Variants in PCDH11X observed in about 807,000 individuals in gnomAD.
PCDH11X encodes protocadherin 11 X-linked.
PCDH11X carries 18 observed loss-of-function variants against 53.3 expected under a neutral mutation model. The ratio of observed to expected loss-of-function variants is 0.34; its 90% CI spans 0.23 to 0.50. The LOEUF (loss-of-function observed/expected upper bound fraction) is 0.50. PCDH11X is among the 20% of genes least tolerant of loss of function. The probability of loss-of-function intolerance (pLI) is 0.98; values close to 1 mark genes in which losing one functional copy is unlikely to be tolerated. For missense variants in PCDH11X, 570 were observed against 1,032.4 expected, an observed-to-expected ratio of 0.55 and a Z score of 6.14; for synonymous variants, 279 against 393.3, an observed-to-expected ratio of 0.71 and a Z score of 3.44.
intron 8 of PCDH11X, among the ~76,000 whole-genome samples, chrX:92,369,597 A>T (rs1296019593): frequency 6.3e-5 from 7 of 110,821 alleles, no homozygotes; most frequent in Non-Finnish European, 1.3e-4. Context: ...TGTCTGCCCA[A>T]ACAGCCACCC....
At chrX:92,260,421 C>T (rs2067691160) in intron 7 of PCDH11X, among the ~76,000 whole-genome samples, 1 of 110,912 alleles carries the variant, frequency 9.0e-6, no homozygotes, top group African/African-American at 3.3e-5. Context: ...CTCCCTCCCC[C>T]AGCACCCGGA....
intron 8 of PCDH11X, among the ~76,000 whole-genome samples, chrX:92,380,415 G>A (rs1373388923): frequency 3.6e-5 from 4 of 112,121 alleles, no homozygotes; most frequent in East Asian, 2.8e-4. Context: ...CAGTGGGCCC[G>A]AGCAAAACTC....
At chrX:92,229,683 A>G (rs1465737117) in intron 7 of PCDH11X, among the ~76,000 whole-genome samples, 1 of 111,671 alleles carries the variant, frequency 9.0e-6, no homozygotes, top group Non-Finnish European at 1.9e-5. Flanking sequence ...TTCCAATTTT[A>G]TATTGTCATT....
At chrX:92,313,999 C>T (rs1376782888) in intron 8 of PCDH11X, among the ~76,000 whole-genome samples, 3 of 111,246 alleles carry the variant, frequency 2.7e-5, no homozygotes, top group Non-Finnish European at 5.7e-5. Context: ...CAACACTGTA[C>T]ACTTAGGATA....
intron 6 of PCDH11X, among the ~76,000 whole-genome samples, chrX:91,903,312 T>C (rs1483404574): frequency 1.8e-5 from 2 of 111,538 alleles, no homozygotes; most frequent in Non-Finnish European, 3.8e-5. Flanking sequence ...AAGATTCTAT[T>C]TCACTTGCAA....
intron 10 of PCDH11X, among the ~76,000 whole-genome samples, chrX:92,543,043 T>G (rs1206382337): frequency 9.2e-6 from 1 of 109,190 alleles, no homozygotes; most frequent in Non-Finnish European, 1.9e-5. Context: ...AAATCCAGAT[T>G]ATAACACCAC....
chrX:92,030,641 A>G (rs2063035613), intron 6 of PCDH11X, among the ~76,000 whole-genome samples: 1 of 108,463 alleles, frequency 9.2e-6, no homozygotes, highest in African/African-American at 3.4e-5. Context: ...CCAACCCTCG[A>G]ACTACTCTCC....
intron 4 of PCDH11X, among the ~76,000 whole-genome samples, chrX:91,830,606 G>A (rs1475640844): frequency 9.1e-6 from 1 of 110,441 alleles, no homozygotes; most frequent in Non-Finnish European, 1.9e-5. Context: ...TCAACCTCAA[G>A]AACTACCTTA....
At chrX:92,556,228 A>G (rs1301339929) in intron 10 of PCDH11X, among the ~76,000 whole-genome samples, 26 of 110,770 alleles carry the variant, frequency 2.3e-4, no homozygotes, top group Non-Finnish European at 4.2e-4. Flanking sequence ...AATCTTATAT[A>G]CTCACATTTC....
At chrX:92,192,294 T>G (rs1186255849) in intron 6 of PCDH11X, among the ~76,000 whole-genome samples, 1 of 112,496 alleles carries the variant, frequency 8.9e-6, no homozygotes, top group Admixed American at 9.4e-5. Context: ...ACAAAAACTA[T>G]AAGTTCATGA....
intron 7 of PCDH11X, among the ~76,000 whole-genome samples, chrX:92,233,757 C>T (rs1029661228): frequency 1.8e-5 from 2 of 112,023 alleles, no homozygotes; most frequent in Non-Finnish European, 3.8e-5. Flanking sequence ...TTTAAGTGTG[C>T]TTCAAACTTA....
intron 6 of PCDH11X, among the ~76,000 whole-genome samples, chrX:92,050,766 T>A (rs1411312812): frequency 9.1e-6 from 1 of 109,918 alleles, no homozygotes; most frequent in Admixed American, 9.8e-5. Flanking sequence ...TAATACATAT[T>A]TTTAATAAAA....
intron 6 of PCDH11X, among the ~76,000 whole-genome samples, chrX:92,129,533 G>T (rs1292492231): frequency 1.8e-5 from 2 of 112,235 alleles, no homozygotes; most frequent in Non-Finnish European, 3.8e-5. Flanking sequence ...TAGGACAAGG[G>T]AGACTTCATG....
At chrX:92,321,670 CAA>C (rs869178187) in intron 8 of PCDH11X, among the ~76,000 whole-genome samples, 1 of 111,321 alleles carries the variant, frequency 9.0e-6, no homozygotes, top group Non-Finnish European at 1.9e-5. Context: ...CTTATTACCA[CAA>C]AGAGTCTCTT....
chrX:91,969,877 C>T (rs985727906), intron 6 of PCDH11X, among the ~76,000 whole-genome samples: 2 of 109,797 alleles, frequency 1.8e-5, no homozygotes, highest in African/African-American at 3.3e-5. Flanking sequence ...GTGGAGAGTG[C>T]GGCCTAGAAT....
chrX:92,301,675 TG>T (rs1265476695), intron 8 of PCDH11X, among the ~76,000 whole-genome samples: 2 of 110,301 alleles, frequency 1.8e-5, no homozygotes, highest in African/African-American at 6.7e-5. Flanking sequence ...TGTTTTGTTT[TG>T]TTTTGTTTTG....
At chrX:92,327,704 C>A (rs1186907021) in intron 8 of PCDH11X, among the ~76,000 whole-genome samples, 16 of 109,098 alleles carry the variant, frequency 1.5e-4, no homozygotes, top group Non-Finnish European at 2.9e-4. Context: ...TTCTGTTCAA[C>A]ATGGATATAT....
At chrX:91,837,612 G>A (rs775639864) in intron 5 of PCDH11X, among the ~76,000 whole-genome samples, 3 of 111,670 alleles carry the variant, frequency 2.7e-5, no homozygotes, top group Non-Finnish European at 5.6e-5. Flanking sequence ...GGGCAGAATT[G>A]GGAAGAATAA....
chrX:91,819,253 G>A (rs1936553275), intron 4 of PCDH11X, among the ~76,000 whole-genome samples: 1 of 107,697 alleles, frequency 9.3e-6, no homozygotes, highest in Non-Finnish European at 1.9e-5. Flanking sequence ...AGTGGGGTTT[G>A]TGGTTGTCCT....
Sources: allele counts gnomAD v4.1 joint callset (sites outside exome capture counted in the v4.1 genomes callset), GRCh38; gene constraint gnomAD v4.1.1; transcripts MANE v1.5; gene names NCBI Gene and HGNC (gene_info 2026-07-23, HGNC 2026-07-21).